SNX30: variants seen among roughly 807,000 people sequenced by gnomAD.
The protein encoded by SNX30 is sorting nexin family member 30.
SNX30 carries 24 observed loss-of-function variants against 46.4 expected under a neutral mutation model. The ratio of observed to expected loss-of-function variants is 0.52; its 90% confidence interval spans 0.37 to 0.73. SNX30 has a LOEUF of 0.73. SNX30 is among the 30% of genes least tolerant of loss of function. The pLI, the probability that SNX30 is intolerant of heterozygous loss-of-function variation, is 0.00. For synonymous variants in SNX30, 189 were observed against 211.5 expected, an observed-to-expected ratio of 0.89 and a Z score of 0.92; for missense variants, 533 against 555.7, an observed-to-expected ratio of 0.96 and a Z score of 0.41.
intron 1 of SNX30, among the ~76,000 whole-genome samples, chr9:112,794,497 A>G (rs1840077666): frequency 6.6e-6 from 1 of 152,170 alleles, no homozygotes; most frequent in Non-Finnish European, 1.5e-5. Context: ...GAGGGGGGTA[A>G]ATTAAGAAAA....
intron 1 of SNX30, among the ~76,000 whole-genome samples, chr9:112,767,857 C>T (rs1839572507): frequency 6.6e-6 from 1 of 152,186 alleles, no homozygotes; most frequent in Admixed American, 6.5e-5. Flanking sequence ...ACCCTGGCCT[C>T]CCAAAGTATT....
At chr9:112,852,464 AT>A (rs1841044115) in intron 7 of SNX30, among the ~76,000 whole-genome samples, 1 of 152,196 alleles carries the variant, frequency 6.6e-6, no homozygotes, top group African/African-American at 2.4e-5. Context: ...AGATTTTGAT[AT>A]CTCAGAAGTC....
intron 7 of SNX30, among the ~76,000 whole-genome samples, chr9:112,863,792 A>G (rs890949198): frequency 1.3e-5 from 2 of 152,220 alleles, no homozygotes; most frequent in African/African-American, 2.4e-5. Context: ...TGTCACAGCA[A>G]TGGAATAGTT....
At chr9:112,809,343 G>C (rs903082222) in intron 2 of SNX30, among the ~76,000 whole-genome samples, 1 of 152,072 alleles carries the variant, frequency 6.6e-6, no homozygotes, top group Non-Finnish European at 1.5e-5. Context: ...GTTTCCCAAA[G>C]TGCTGGGATT....
rs935727503 is a variant in SNX30, at chr9:112,830,982, T to C, written c.618+99T>C. On this transcript the variant is annotated intron_variant, in intron 4 of 8. Transcript: ENST00000374232. Reference sequence around the variant, plus strand: ...CAGGACTCGGTCTCTACAAAAACTTTTAACAAATAGCCGAGTGTGATGTTG... The same window carrying C: ...CAGGACTCGGTCTCTACAAAAACTTCTAACAAATAGCCGAGTGTGATGTTG... The C allele has an allele frequency of 7.9e-6, 10 of 1,270,572 alleles. 1 individual carries two copies. The highest frequency in any genetic ancestry group is 2.8e-4 in the Middle Eastern group (1 of 3,578). The allele number at this position is 1,270,572 out of a possible 1,614,324, so 78.7% of individuals were successfully genotyped here. A position where few individuals can be genotyped will look rare whatever the true frequency, so the allele number is the denominator to read the frequency against.
chr9:112,773,193 T>C (rs907967556), intron 1 of SNX30, among the ~76,000 whole-genome samples: 5 of 152,144 alleles, frequency 3.3e-5, no homozygotes, highest in Non-Finnish European at 7.4e-5. Context: ...ATATAATCAC[T>C]TACTGGCTGG....
At chr9:112,862,667 C>T (rs1342807685) in intron 7 of SNX30, among the ~76,000 whole-genome samples, 1 of 151,920 alleles carries the variant, frequency 6.6e-6, no homozygotes, top group Non-Finnish European at 1.5e-5. Flanking sequence ...TTTGGGGGAC[C>T]GAGGTGGGAG....
chr9:112,876,756 G>A (rs1483575993), downstream of SNX30, among the ~76,000 whole-genome samples: 6 of 151,652 alleles, frequency 4.0e-5, no homozygotes, highest in Non-Finnish European at 7.4e-5. Flanking sequence ...AGCCAACATG[G>A]CGAAACCTGT....
intron 3 of SNX30, among the ~76,000 whole-genome samples, chr9:112,824,927 A>G (rs192062466): frequency 1.4e-4 from 22 of 152,300 alleles, no homozygotes; most frequent in Admixed American, 5.2e-4. Flanking sequence ...GACCATCACC[A>G]CTATTTAATC....
intron 6 of SNX30, among the ~76,000 whole-genome samples, chr9:112,848,579 A>G (rs1840974952): frequency 6.6e-6 from 1 of 152,154 alleles, no homozygotes; most frequent in African/African-American, 2.4e-5. Flanking sequence ...CCTCATCTGT[A>G]GAATAGGGAA....
intron 1 of SNX30, among the ~76,000 whole-genome samples, chr9:112,754,647 C>T (rs1274678870): frequency 1.3e-5 from 2 of 152,164 alleles, no homozygotes; most frequent in Non-Finnish European, 2.9e-5. Context: ...CTCAGATGAT[C>T]TGCCCACCTC....
At chr9:112,867,969 C>T (rs4979174) in intron 8 of SNX30, among the ~76,000 whole-genome samples, 35,264 of 152,162 alleles carry the variant, frequency 0.23, 5,134 homozygotes, top group East Asian at 0.49. Flanking sequence ...GAGGACAATG[C>T]CAGAGTGTTC....
downstream of SNX30, among the ~76,000 whole-genome samples, chr9:112,884,160 A>G (rs1166452955): frequency 1.3e-5 from 2 of 152,238 alleles, no homozygotes; most frequent in African/African-American, 2.4e-5. Context: ...GTGGCATGAA[A>G]TCGGCTCACT....
At chr9:112,808,326 C>T (rs1840262900) in intron 2 of SNX30, among the ~76,000 whole-genome samples, 1 of 152,200 alleles carries the variant, frequency 6.6e-6, no homozygotes, top group African/African-American at 2.4e-5. Context: ...CAGGGCTGGA[C>T]AAAGTACAGA....
At chr9:112,756,739 G>A (rs1839356814) in intron 1 of SNX30, among the ~76,000 whole-genome samples, 1 of 152,186 alleles carries the variant, frequency 6.6e-6, no homozygotes, top group South Asian at 2.1e-4. Flanking sequence ...GGGATCACAG[G>A]CGTGAGCCAC....
At chr9:112,783,138 G>A (rs978776285) in intron 1 of SNX30, among the ~76,000 whole-genome samples, 25 of 152,236 alleles carry the variant, frequency 1.6e-4, no homozygotes, top group African/African-American at 5.8e-4. Flanking sequence ...CAGATGCAAA[G>A]GTGAATGTGG....
intron 1 of SNX30, among the ~76,000 whole-genome samples, chr9:112,791,355 A>T (rs1840016892): frequency 7.1e-6 from 1 of 140,516 alleles, no homozygotes; most frequent in African/African-American, 2.6e-5. Context: ...TTCAAGATTA[A>T]TTGCTGATGT....
rs1292247776 is a variant in SNX30, at chr9:112,817,689, A to G, written c.349-16A>G. ...TATTCCCTTATGCTTATTTTTTTCC[A>G]TTCTCTTCTTTGCAGAGTACTCGGG... On this transcript the variant is annotated splice_polypyrimidine_tract_variant and intron_variant, in intron 2 of 8. Transcript: ENST00000374232. 2.0e-6 allele frequency: 3 copies of G among 1,477,676 alleles called. No individual in the cohort carries two copies. The highest frequency in any genetic ancestry group is 1.9e-6 in the Non-Finnish European group (2 of 1,056,632). 91.5% of individuals were successfully genotyped at this position (1,477,676 alleles called of 1,614,324 possible).
intron 7 of SNX30, among the ~76,000 whole-genome samples, chr9:112,861,251 G>A (rs1247074954): frequency 6.6e-6 from 1 of 152,212 alleles, no homozygotes. Context: ...TAATATTTGT[G>A]CAGGAAGGCT....
Sources: allele counts gnomAD v4.1 joint callset (sites outside exome capture counted in the v4.1 genomes callset), GRCh38; gene constraint gnomAD v4.1.1; transcripts MANE v1.5; gene names NCBI Gene and HGNC (gene_info 2026-07-23, HGNC 2026-07-21).